The following TMCC2 variants were observed in gnomAD, a reference collection of about 807,000 sequenced individuals.
TMCC2 encodes transmembrane and coiled-coil domains protein 2.
A neutral mutation model predicts 49.4 loss-of-function variants in TMCC2; 16 were observed. The ratio of observed to expected loss-of-function variants is 0.32; its 90% confidence interval spans 0.22 to 0.49. TMCC2 has a LOEUF of 0.49. Among genes scored for constraint, TMCC2 ranks in the 20% least tolerant of loss-of-function variants. The pLI is 0.99. For missense variants in TMCC2, 762 were observed against 989.8 expected (o/e 0.77, Z 3.09); for synonymous variants, 397 against 434.1 (o/e 0.91, Z 1.06).
At chr1:205,267,773 A>G in intron 2 of TMCC2, 1 of 521,212 alleles carries the variant, frequency 1.9e-6, no homozygotes, top group South Asian at 8.3e-5. Flanking sequence ...TGCCACCCTG[A>G]TGCACTCGGG....
chr1:205,271,447 C>G, intron 4 of TMCC2, 192 bp downstream of exon 4: 1 of 916,186 alleles, frequency 1.1e-6, no homozygotes, highest in Non-Finnish European at 1.7e-6. Flanking sequence ...CTGAGGCTGA[C>G]AGCGTGCACT....
chr1:205,229,559 T>TGGGGGGGGGGGGGGGGGGGGGGG (rs1659706107), intron 1 of TMCC2: 1 of 189,972 alleles, frequency 5.3e-6, no homozygotes, highest in African/African-American at 2.3e-4. Flanking sequence ...GGGGGGGGGG[T>TGGGGGGGGGGGGGGGGGGGGGGG]GGTGGCGGGG....
chr1:205,234,382 G>T (rs1324407130), intron 1 of TMCC2, among the ~76,000 whole-genome samples: 1 of 152,062 alleles, frequency 6.6e-6, no homozygotes, highest in Non-Finnish European at 1.5e-5. Context: ...GGAGGCGGAG[G>T]TTGCAGTGAG....
intron 2 of TMCC2, chr1:205,246,529 G>A: frequency 7.2e-6 from 11 of 1,521,380 alleles, no homozygotes; most frequent in Non-Finnish European, 9.7e-6. Context: ...CCACTGGGGA[G>A]AAGTCTGTTC....
chr1:205,249,946 GCCTTGGGGTC>G (rs1660602222), intron 2 of TMCC2, among the ~76,000 whole-genome samples: 1 of 152,218 alleles, frequency 6.6e-6, no homozygotes, highest in African/African-American at 2.4e-5. Flanking sequence ...TTACCCAGAG[GCCTTGGGGTC>G]CCAGCACAGC....
At chr1:205,258,125 C>T (rs1214757920) in intron 2 of TMCC2, among the ~76,000 whole-genome samples, 1 of 152,076 alleles carries the variant, frequency 6.6e-6, no homozygotes. Flanking sequence ...CAGGAGGTGG[C>T]AGGTGGAAGC....
At chr1:205,247,761 C>T (rs1164595335) in intron 2 of TMCC2, among the ~76,000 whole-genome samples, 4 of 152,168 alleles carry the variant, frequency 2.6e-5, no homozygotes, top group African/African-American at 4.8e-5. Context: ...CCCCCACTCC[C>T]CCACACCCCC....
Position 205,228,412 on chromosome 1 carries a change from ATT to A in TMCC2, c.-144_-143del. The A allele has an allele frequency of 3.5e-6, 2 of 578,858 alleles. No homozygotes were observed. Among genetic ancestry groups the A allele is most frequent in the South Asian group, 2.7e-5 (1 of 36,866 alleles). 35.9% of individuals were successfully genotyped at this position (578,858 alleles called of 1,614,324 possible). ...GCCCCTCCCTCACCCGCCTTTAAGA[ATT>A]TTTTTTTTAATTCAAGAAATTGTGG... is the stretch of plus-strand genomic sequence containing the variant. On this transcript the variant is annotated 5_prime_UTR_variant, in exon 1 of 5. Coordinates refer to ENST00000358024, the MANE Select transcript of TMCC2 (RefSeq NM_014858.4).
intron 1 of TMCC2, among the ~76,000 whole-genome samples, chr1:205,232,333 G>T (rs1304118283): frequency 2.0e-5 from 3 of 152,238 alleles, no homozygotes; most frequent in Non-Finnish European, 1.5e-5. Flanking sequence ...GAAAATCTCA[G>T]TAGACATCCT....
chr1:205,271,080 G>C (rs16855306), intron 3 of TMCC2, 40 bp from the exon 4 acceptor site: 7 of 1,606,574 alleles, frequency 4.4e-6, no homozygotes, highest in Non-Finnish European at 5.1e-6. Flanking sequence ...GTGGAAGCTC[G>C]GGGAGCCAGG....
rs968294856 is a variant in TMCC2, at chr1:205,241,210, T to G, written c.208-295T>G. ...CTGTGTATGCCATTAAGCCCCAGAC[T>G]GAAGCCCTGAGAGCATCATTCCTAG... is the stretch of plus-strand genomic sequence containing the variant. On this transcript the variant is annotated intron_variant, in intron 1 of 4. Coordinates refer to ENST00000358024, the MANE Select transcript of TMCC2 (RefSeq NM_014858.4). The surrounding 1 kb of genome is among the most constrained non-coding windows in gnomAD (Gnocchi z 7.3). Among the ~76,000 whole-genome samples the G allele has an allele frequency of 4.6e-5, 7 of 152,200 alleles. No individual in the cohort carries two copies. Among genetic ancestry groups the G allele is most frequent in the Admixed American group, 3.3e-4 (5 of 15,282 alleles).
At chr1:205,266,142 G>A (rs181464042) in intron 2 of TMCC2, among the ~76,000 whole-genome samples, 165 of 151,416 alleles carry the variant, frequency 1.1e-3, no homozygotes, top group African/African-American at 3.8e-3. Context: ...TCGGGAGGCC[G>A]AGGCAGGAGA....
chr1:205,258,634 G>A (rs1660977913), intron 2 of TMCC2, among the ~76,000 whole-genome samples: 1 of 152,166 alleles, frequency 6.6e-6, no homozygotes, highest in Non-Finnish European at 1.5e-5. Context: ...GCCCCACCGG[G>A]CTATTCCTGC....
In TMCC2 at chr1:205,241,498, C is replaced by G; in HGVS notation, c.208-7C>G. 6.2e-7 allele frequency: 1 copy of G among 1,613,080 alleles called. No individual in the cohort carries two copies. The highest frequency in any genetic ancestry group is 8.5e-7 in the Non-Finnish European group (1 of 1,179,704). On this transcript the variant is annotated splice_region_variant and splice_polypyrimidine_tract_variant and intron_variant, in intron 1 of 4. Coordinates refer to ENST00000358024, the MANE Select transcript of TMCC2 (RefSeq NM_014858.4). This position sits in a 1 kb window ranked among gnomAD's most constrained non-coding sequence, Gnocchi z 7.3. ...CTCACCAGGGTTCTTCATCTCTCCC[C>G]CTTAAGAAAATCCAGCAGCTGTCAG...
Position 205,241,484 on chromosome 1 carries a change from TC to T in TMCC2, c.208-20del. On this transcript the variant is annotated intron_variant, in intron 1 of 4. Coordinates refer to ENST00000358024, the MANE Select transcript of TMCC2 (RefSeq NM_014858.4). The surrounding 1 kb of genome is among the most constrained non-coding windows in gnomAD (Gnocchi z 7.3). Reference sequence around the variant, plus strand: ...TCAAGAGCTTTCCACTCACCAGGGTTCTTCATCTCTCCCCCTTAAGAAAATC... The same window carrying T: ...TCAAGAGCTTTCCACTCACCAGGGTTTTCATCTCTCCCCCTTAAGAAAATC... 6.2e-7 allele frequency: 1 copy of T among 1,611,184 alleles called. No individual in the cohort carries two copies. The highest frequency in any genetic ancestry group is 8.5e-7 in the Non-Finnish European group (1 of 1,178,758).
At position 205,242,708 on chromosome 1, in the gene TMCC2, G is replaced by T. The variant is rs145834373; in HGVS notation, c.747+664G>T. Among the ~76,000 whole-genome samples, 162 of 152,304 alleles carry T rather than the reference G, an allele frequency of 1.1e-3. 1 individual carries two copies. Among genetic ancestry groups the T allele is most frequent in the South Asian group, 3.7e-3 (18 of 4,832 alleles). Reference sequence around the variant, plus strand: ...TCCTTGTGGAGCTCACTCTAGAGGGGGTACAAGTGGGTGAATGGACAGAGA... The same window carrying T: ...TCCTTGTGGAGCTCACTCTAGAGGGTGTACAAGTGGGTGAATGGACAGAGA... On this transcript the variant is annotated intron_variant, in intron 2 of 4. Transcript: ENST00000358024.
intron 4 of TMCC2, 28 bp downstream of exon 4, chr1:205,271,283 C>T (rs2102619465): frequency 6.2e-7 from 1 of 1,613,826 alleles, no homozygotes; most frequent in East Asian, 2.2e-5. Flanking sequence ...TTGGGAGGCC[C>T]CAGATGTGCT....
At chr1:205,266,226 G>GACC (rs1324867830) in intron 2 of TMCC2, among the ~76,000 whole-genome samples, 1 of 143,672 alleles carries the variant, frequency 7.0e-6, no homozygotes. Context: ...GGGCGACAGA[G>GACC]CGAGACTCTG....
intron 2 of TMCC2, among the ~76,000 whole-genome samples, chr1:205,249,561 TG>T (rs1660585775): frequency 6.6e-6 from 1 of 152,176 alleles, no homozygotes; most frequent in Non-Finnish European, 1.5e-5. Context: ...CCAGGTTGCA[TG>T]GGAGGCTGAA....
Sources: gnomAD v4.1 joint callset for allele counts (sites outside exome capture counted in the v4.1 genomes callset) on GRCh38, gnomAD v4.1.1 for gene constraint, Gnocchi (gnomAD v3.1) non-coding constraint, MANE v1.5 for transcripts, NCBI Gene and HGNC (gene_info 2026-07-23, HGNC 2026-07-21) for gene names.